Variants in LRFN5 observed in about 807,000 individuals in gnomAD.
The protein encoded by LRFN5 is leucine-rich repeat and fibronectin type-III domain-containing protein 5.
LRFN5 carries 24 observed loss-of-function variants against 45.6 expected under a neutral mutation model. That is an observed-to-expected ratio of 0.53 (90% CI 0.38 to 0.74). The LOEUF is 0.74. Ranked by LOEUF, LRFN5 falls within the 30% of genes least tolerant of loss-of-function variation. The probability of loss-of-function intolerance (pLI) is 0.00; values close to 1 mark genes in which losing one functional copy is unlikely to be tolerated. For missense variants in LRFN5, 776 were observed against 861.5 expected (o/e 0.90, Z 1.24); for synonymous variants, 340 against 313.8 (o/e 1.08, Z -0.88).
chr14:41,876,064 T>C (rs972625214), intron 2 of LRFN5, among the ~76,000 whole-genome samples: 24 of 152,064 alleles, frequency 1.6e-4, no homozygotes, highest in Non-Finnish European at 3.1e-4. Context: ...TAGCACTAAA[T>C]CCAAGTTCTG....
chr14:41,844,283 A>G (rs1269745885), intron 2 of LRFN5, among the ~76,000 whole-genome samples: 2 of 151,856 alleles, frequency 1.3e-5, no homozygotes, highest in African/African-American at 4.8e-5. Flanking sequence ...TAAAAATACA[A>G]AAAATTAGCC....
intron 1 of LRFN5, among the ~76,000 whole-genome samples, chr14:41,673,110 T>C (rs1881315606): frequency 6.6e-6 from 1 of 152,102 alleles, no homozygotes. Context: ...CTCCCATGTC[T>C]ACCTCTTTCT....
intron 1 of LRFN5, among the ~76,000 whole-genome samples, chr14:41,745,985 C>A (rs1884904103): frequency 6.6e-6 from 1 of 152,008 alleles, no homozygotes; most frequent in Non-Finnish European, 1.5e-5. Flanking sequence ...TGAAGGAACA[C>A]TCCCTAACTC....
chr14:41,888,091 T>C (rs1890645249), intron 3 of LRFN5, 81 bp downstream of exon 3: 1 of 1,060,142 alleles, frequency 9.4e-7, no homozygotes, highest in Non-Finnish European at 1.4e-6. Context: ...TTTTTTTTAA[T>C]TGGCAGTGCT....
intron 2 of LRFN5, among the ~76,000 whole-genome samples, chr14:41,839,465 A>G (rs1461466632): frequency 6.6e-6 from 1 of 152,152 alleles, no homozygotes; most frequent in Non-Finnish European, 1.5e-5. Flanking sequence ...CAGTCTGTAC[A>G]ATATCTCTGT....
intron 1 of LRFN5, among the ~76,000 whole-genome samples, chr14:41,644,116 C>CT (rs1164641802): frequency 6.6e-6 from 1 of 152,076 alleles, no homozygotes; most frequent in African/African-American, 2.4e-5. Context: ...GTTTCTGATA[C>CT]TTTTTGTGGT....
At chr14:41,710,618 T>C (rs1883242686) in intron 1 of LRFN5, among the ~76,000 whole-genome samples, 1 of 151,932 alleles carries the variant, frequency 6.6e-6, no homozygotes, top group African/African-American at 2.4e-5. Flanking sequence ...TATTTTTTAT[T>C]TTTAAATTTT....
chr14:41,795,650 A>G (rs896378349), intron 2 of LRFN5, among the ~76,000 whole-genome samples: 2 of 152,004 alleles, frequency 1.3e-5, no homozygotes, highest in Non-Finnish European at 2.9e-5. Flanking sequence ...GCTGGAAACC[A>G]TCATTCTCAG....
intron 2 of LRFN5, among the ~76,000 whole-genome samples, chr14:41,871,248 AAAGTAATT>A (rs922126674): frequency 1.3e-5 from 2 of 152,128 alleles, no homozygotes; most frequent in African/African-American, 4.8e-5. Flanking sequence ...CATCAAATCA[AAAGTAATT>A]ATTATTTTGT....
chr14:41,618,457 T>C (rs1887995629), intron 1 of LRFN5, among the ~76,000 whole-genome samples: 1 of 152,204 alleles, frequency 6.6e-6, no homozygotes, highest in Non-Finnish European at 1.5e-5. Flanking sequence ...GAAACATGGA[T>C]TCCTCTGCTG....
intron 5 of LRFN5, among the ~76,000 whole-genome samples, chr14:41,899,641 G>T (rs1789357997): frequency 6.6e-6 from 1 of 152,056 alleles, no homozygotes; most frequent in African/African-American, 2.4e-5. Context: ...TTTGCTTGAG[G>T]TTTGGCACAC....
intron 1 of LRFN5, among the ~76,000 whole-genome samples, chr14:41,689,065 A>C (rs1368549900): frequency 6.6e-6 from 1 of 152,030 alleles, no homozygotes; most frequent in Non-Finnish European, 1.5e-5. Flanking sequence ...ACTGCACTGC[A>C]GTTTGGGCAA....
At chr14:41,828,655 T>C (rs1888375631) in intron 2 of LRFN5, among the ~76,000 whole-genome samples, 2 of 151,930 alleles carry the variant, frequency 1.3e-5, no homozygotes, top group South Asian at 2.1e-4. Context: ...AGAAAATAAG[T>C]CCTATTGATT....
At chr14:41,893,617 T>C in intron 4 of LRFN5, 2 of 985,348 alleles carry the variant, frequency 2.0e-6, no homozygotes, top group Non-Finnish European at 2.4e-6. Context: ...AATTTCCTTC[T>C]GGTAGAAGCA....
At position 41,901,432 on chromosome 14, in the gene LRFN5, TTGTGTGTGTGTGTGTGTGTG is replaced by T. The variant is rs3032306; in HGVS notation, c.2142+2488_2142+2507del. 2.0e-5 allele frequency among the ~76,000 whole-genome samples: 3 copies of T among 147,940 alleles called. No homozygotes were observed. The Admixed American group carries it at 2.0e-4, about 10-fold the overall frequency. ...TTCTGACCAATAAAATATGTATGCA[TTGTGTGTGTGTGTGTGTGTG>T]TGTGTGTGTGTGTGTAGCTTTGCAC... is the stretch of plus-strand genomic sequence containing the variant. On this transcript the variant is annotated intron_variant, in intron 5 of 5. Coordinates refer to ENST00000298119, the MANE Select transcript of LRFN5 (RefSeq NM_152447.5).
At chr14:41,807,945 C>G (rs1437329327) in intron 2 of LRFN5, among the ~76,000 whole-genome samples, 4 of 151,796 alleles carry the variant, frequency 2.6e-5, no homozygotes, top group African/African-American at 7.3e-5. Context: ...TCCTTGTAGT[C>G]TAGTCCTGAC....
intron 2 of LRFN5, among the ~76,000 whole-genome samples, chr14:41,872,937 T>G (rs1047202101): frequency 6.6e-6 from 1 of 152,242 alleles, no homozygotes; most frequent in Non-Finnish European, 1.5e-5. Context: ...TATGATAGTT[T>G]ATTCTGTTTT....
In LRFN5 at chr14:41,763,046, A is replaced by G. The variant is rs117825155; in HGVS notation, c.-196-3808A>G. 9.1e-3 allele frequency among the ~76,000 whole-genome samples: 1,385 copies of G among 152,328 alleles called. 10 individuals carry two copies. Among genetic ancestry groups the G allele is most frequent in the Non-Finnish European group, 0.014 (929 of 68,018 alleles). ...AAATGAAGGGAATATGTGAGATAAT[A>G]TTCTGGTGTCTTCAAGTATTTCAAG... On this transcript the variant is annotated intron_variant, in intron 1 of 5. Transcript: ENST00000298119.
chr14:41,896,759 A>G (rs1328596494), intron 4 of LRFN5, among the ~76,000 whole-genome samples: 1 of 152,044 alleles, frequency 6.6e-6, no homozygotes, highest in Non-Finnish European at 1.5e-5. Context: ...TTTTCCACAG[A>G]AACAATCAAT....
Sources: allele counts gnomAD v4.1 joint callset (sites outside exome capture counted in the v4.1 genomes callset), GRCh38; gene constraint gnomAD v4.1.1; transcripts MANE v1.5; gene names NCBI Gene and HGNC (gene_info 2026-07-23, HGNC 2026-07-21).